The following ATRNL1 variants were observed in gnomAD, a reference collection of about 807,000 sequenced individuals.
The protein encoded by ATRNL1 is attractin-like protein 1.
Under a neutral mutation model 182.7 loss-of-function variants are expected in ATRNL1, and 95 were observed. The observed-to-expected ratio is 0.52, with a 90% CI of 0.44 to 0.62. ATRNL1 has a LOEUF of 0.62. ATRNL1 is among the 20% of genes least tolerant of loss of function. The probability of loss-of-function intolerance (pLI) is 0.00; values close to 1 mark genes in which losing one functional copy is unlikely to be tolerated. For synonymous variants in ATRNL1, 576 were observed against 568.3 expected, an observed-to-expected ratio of 1.01 and a Z score of -0.19; for missense variants, 1,471 against 1,679.5, an observed-to-expected ratio of 0.88 and a Z score of 2.17.
At chr10:115,793,599 A>C (rs961428606) in intron 27 of ATRNL1, among the ~76,000 whole-genome samples, 1 of 152,150 alleles carries the variant, frequency 6.6e-6, no homozygotes, top group Non-Finnish European at 1.5e-5. Context: ...AAAAACATGG[A>C]AAGTAGCAGA....
At chr10:115,132,491 T>C (rs113570903) in intron 5 of ATRNL1, among the ~76,000 whole-genome samples, 1,870 of 152,290 alleles carry the variant, frequency 0.012, 19 homozygotes, top group Middle Eastern at 0.02. Context: ...TTCTAGATCC[T>C]TGAGGAATTG....
chr10:115,671,948 C>A (rs1945709070), intron 26 of ATRNL1, among the ~76,000 whole-genome samples: 1 of 151,966 alleles, frequency 6.6e-6, no homozygotes, highest in East Asian at 1.9e-4. Context: ...ATTTTGCATA[C>A]AGATTTATAA....
intron 24 of ATRNL1, among the ~76,000 whole-genome samples, chr10:115,517,655 TTATC>T (rs1260851083): frequency 3.3e-5 from 5 of 151,868 alleles, no homozygotes; most frequent in Non-Finnish European, 7.4e-5. Context: ...ATTTAGGTAT[TTATC>T]AACATTGCGT....
chr10:115,601,348 G>A (rs181300428), intron 26 of ATRNL1, among the ~76,000 whole-genome samples: 15 of 152,150 alleles, frequency 9.9e-5, no homozygotes, highest in South Asian at 2.1e-4. Context: ...AGAAAAAATC[G>A]TAATTATTGG....
intron 21 of ATRNL1, among the ~76,000 whole-genome samples, chr10:115,460,098 C>G (rs1554969442): frequency 1.3e-5 from 2 of 152,118 alleles, no homozygotes; most frequent in Non-Finnish European, 2.9e-5. Context: ...TCTCAGTCTC[C>G]TTTGCCAGTT....
intron 21 of ATRNL1, among the ~76,000 whole-genome samples, chr10:115,430,457 T>A (rs1438362494): frequency 6.6e-6 from 1 of 152,170 alleles, no homozygotes; most frequent in Non-Finnish European, 1.5e-5. Flanking sequence ...CTTTTTTATC[T>A]TTAAAAACGT....
At chr10:115,765,030 T>C (rs1555074695) in intron 27 of ATRNL1, among the ~76,000 whole-genome samples, 1 of 152,188 alleles carries the variant, frequency 6.6e-6, no homozygotes, top group African/African-American at 2.4e-5. Flanking sequence ...CTAAATAATA[T>C]CCCATTGTCT....
intron 2 of ATRNL1, among the ~76,000 whole-genome samples, chr10:115,121,409 T>C (rs973603102): frequency 2.6e-5 from 4 of 152,184 alleles, no homozygotes; most frequent in African/African-American, 9.7e-5. Flanking sequence ...TGCACCTGGC[T>C]GAACATTTTT....
intron 26 of ATRNL1, among the ~76,000 whole-genome samples, chr10:115,685,569 T>C (rs1468340542): frequency 6.6e-6 from 1 of 151,874 alleles, no homozygotes; most frequent in Non-Finnish European, 1.5e-5. Flanking sequence ...ATGCCAAAAT[T>C]ACTTTAAAAG....
At position 115,196,550 on chromosome 10, in the gene ATRNL1, T is replaced by C. The variant is rs75123657; in HGVS notation, c.1349-19147T>C. On this transcript the variant is annotated intron_variant, in intron 8 of 28. Coordinates refer to ENST00000355044, the MANE Select transcript of ATRNL1 (RefSeq NM_207303.4). ...TCTTTAACAATATGGAGTCTTGTAA[T>C]GCATGGACATGGTATATCACTTCTT... is the stretch of plus-strand genomic sequence containing the variant. Among the ~76,000 whole-genome samples, 600 of 147,702 alleles carry C rather than the reference T, an allele frequency of 4.1e-3. 15 individuals are homozygous for C. The East Asian group carries it at 0.062, about 15-fold the overall frequency.
intron 5 of ATRNL1, among the ~76,000 whole-genome samples, chr10:115,156,002 A>G (rs782556446): frequency 6.6e-6 from 1 of 152,044 alleles, no homozygotes; most frequent in African/African-American, 2.4e-5. Context: ...ATCAAAATGG[A>G]TGGTGGCCAT....
At chr10:115,609,709 G>A (rs1210094053) in intron 26 of ATRNL1, among the ~76,000 whole-genome samples, 1 of 152,076 alleles carries the variant, frequency 6.6e-6, no homozygotes, top group African/African-American at 2.4e-5. Context: ...GTTGTGGGAG[G>A]AAGCAGGGGA....
intron 27 of ATRNL1, among the ~76,000 whole-genome samples, chr10:115,771,629 G>A (rs1948995958): frequency 6.6e-6 from 1 of 152,166 alleles, no homozygotes; most frequent in South Asian, 2.1e-4. Flanking sequence ...CAGATCATGA[G>A]TCTAATATAC....
intron 21 of ATRNL1, among the ~76,000 whole-genome samples, chr10:115,429,130 A>T (rs1565033476): frequency 6.6e-6 from 1 of 152,142 alleles, no homozygotes; most frequent in East Asian, 1.9e-4. Context: ...ATGCCTTGAA[A>T]ATGATTTGCT....
chr10:115,112,705 G>A (rs775613573), intron 1 of ATRNL1, among the ~76,000 whole-genome samples: 40 of 152,274 alleles, frequency 2.6e-4, no homozygotes, highest in Middle Eastern at 3.4e-3. Flanking sequence ...TTTAAGAAGG[G>A]ATGATATGAT....
In ATRNL1 at chr10:115,776,573, A is replaced by G. The variant is rs115860489; in HGVS notation, c.3903+49218A>G. ...GGGGTCCAGGCTTGAAGACAATGGC[A>G]GATTCCCCTCCTGTCTCTCGTAATA... On this transcript the variant is annotated intron_variant, in intron 27 of 28. Coordinates refer to ENST00000355044, the MANE Select transcript of ATRNL1 (RefSeq NM_207303.4). Among the ~76,000 whole-genome samples, 320 of 152,230 alleles carry G rather than the reference A, an allele frequency of 2.1e-3. 1 individual carries two copies. Among genetic ancestry groups the G allele is most frequent in the African/African-American group, 7.2e-3 (298 of 41,544 alleles).
At chr10:115,756,683 T>C (rs1948598606) in intron 27 of ATRNL1, among the ~76,000 whole-genome samples, 2 of 152,144 alleles carry the variant, frequency 1.3e-5, no homozygotes, top group African/African-American at 4.8e-5. Flanking sequence ...TAGGTCTGCT[T>C]GGTCCAGAGC....
At chr10:115,836,955 T>C (rs1194490931) in intron 27 of ATRNL1, among the ~76,000 whole-genome samples, 2 of 152,108 alleles carry the variant, frequency 1.3e-5, no homozygotes, top group Admixed American at 1.3e-4. Flanking sequence ...CCTTGAAGGC[T>C]TAATCAATTA....
At chr10:115,810,799 A>C (rs1162110722) in intron 27 of ATRNL1, among the ~76,000 whole-genome samples, 1 of 151,790 alleles carries the variant, frequency 6.6e-6, no homozygotes, top group Non-Finnish European at 1.5e-5. Context: ...CTTATCTTCT[A>C]AATATTCCCT....
Sources: gnomAD v4.1 joint callset for allele counts (sites outside exome capture counted in the v4.1 genomes callset) on GRCh38, gnomAD v4.1.1 for gene constraint, MANE v1.5 for transcripts, NCBI Gene and HGNC (gene_info 2026-07-23, HGNC 2026-07-21) for gene names.